Variants in B3GNT3 observed in about 807,000 individuals in gnomAD.
B3GNT3 encodes N-acetyllactosaminide beta-1,3-N-acetylglucosaminyltransferase 3.
Under a neutral mutation model 11.6 loss-of-function variants are expected in B3GNT3, and 7 were observed. The ratio of observed to expected loss-of-function variants is 0.60; its 90% CI spans 0.34 to 1.13. The LOEUF is 1.13. Among genes scored for constraint, B3GNT3 ranks in the 50% most tolerant of loss-of-function variants. The pLI, the probability that B3GNT3 is intolerant of heterozygous loss-of-function variation, is 0.03. For synonymous variants in B3GNT3, 201 were observed against 222.1 expected, an observed-to-expected ratio of 0.90 and a Z score of 0.85; for missense variants, 400 against 507.4, an observed-to-expected ratio of 0.79 and a Z score of 2.03.
At position 17,811,650 on chromosome 19, in the gene B3GNT3, A is replaced by T. The variant is rs2094180881; in HGVS notation, c.647A>T (p.His216Leu). The stretch of plus-strand genomic sequence containing the variant: ...AACGGGGATGATGACGTCTTTGCAC[A>T]CACAGACAACATGGTCTTCTACCTG... The part of the protein sequence containing the change: ...VLNGDDDVFA[H>L]TDNMVFYLQD... Residue 216 changes from histidine to leucine, a missense_variant, in exon 3 of 3, where the codon CAC becomes CTC. Coordinates refer to ENST00000318683, the MANE Select transcript of B3GNT3 (RefSeq NM_014256.4). This position sits in a 1 kb window ranked among gnomAD's most constrained non-coding sequence, Gnocchi z 4.1. The T allele has an allele frequency of 6.2e-7, 1 of 1,614,100 alleles. No homozygotes were observed. Among genetic ancestry groups the T allele is most frequent in the African/African-American group, 1.3e-5 (1 of 74,940 alleles).
rs764740433 is a variant in B3GNT3, at chr19:17,813,409, G to A, written c.*1287G>A. ...GGAGGCTGCAGTGAACCATGATTGC[G>A]CCACTGTACTCCACTGGGCGGCAAT... On this transcript the variant is annotated 3_prime_UTR_variant, in exon 3 of 3. Coordinates refer to ENST00000318683, the MANE Select transcript of B3GNT3 (RefSeq NM_014256.4). 2.6e-5 allele frequency among the ~76,000 whole-genome samples: 4 copies of A among 152,064 alleles called. No homozygotes were observed. The highest frequency in any genetic ancestry group is 4.8e-5 in the African/African-American group (2 of 41,494).
At position 17,812,129 on chromosome 19, in the gene B3GNT3, A is replaced by C. The variant is rs367852643; in HGVS notation, c.*7A>C. 2.5e-5 allele frequency: 39 copies of C among 1,579,934 alleles called. No individual in the cohort carries two copies. Among genetic ancestry groups the C allele is most frequent in the Non-Finnish European group, 3.3e-5 (39 of 1,169,844 alleles). The stretch of plus-strand genomic sequence containing the variant: ...TCAGACACAGATCTACTGAGTCAGC[A>C]TCAGGGTCCCCAGCCTCTGGGCTCC... On this transcript the variant is annotated 3_prime_UTR_variant, in exon 3 of 3. Transcript: ENST00000318683.
chr19:17,794,815 C>G (rs2094157548), upstream of B3GNT3: 1 of 152,468 alleles, frequency 6.6e-6, no homozygotes, highest in South Asian at 2.1e-4. Context: ...GTGCCAGGAA[C>G]CCGCAAGGCG....
At chr19:17,798,765 A>G (rs1431883694) in intron 1 of B3GNT3, among the ~76,000 whole-genome samples, 1 of 151,984 alleles carries the variant, frequency 6.6e-6, no homozygotes, top group African/African-American at 2.4e-5. Context: ...ACTTGAGCCC[A>G]GGAGTTGGAG....
At chr19:17,806,386 A>G (rs754641487) in intron 1 of B3GNT3, among the ~76,000 whole-genome samples, 1 of 152,120 alleles carries the variant, frequency 6.6e-6, no homozygotes, top group Non-Finnish European at 1.5e-5. Flanking sequence ...CTGTATCCCC[A>G]GCATCTAGCA....
intron 1 of B3GNT3, among the ~76,000 whole-genome samples, chr19:17,803,670 A>T (rs1299711822): frequency 6.6e-6 from 1 of 151,940 alleles, no homozygotes; most frequent in Non-Finnish European, 1.5e-5. Context: ...TAGGCGCTGT[A>T]ACATGCAGGG....
chr19:17,801,940 T>A (rs925560502), intron 1 of B3GNT3, among the ~76,000 whole-genome samples: 1 of 151,994 alleles, frequency 6.6e-6, no homozygotes, highest in African/African-American at 2.4e-5. Flanking sequence ...ATACCAAAAG[T>A]AGCCAGGCGT....
In B3GNT3 at chr19:17,813,204, T is replaced by C. The variant is rs770341743; in HGVS notation, c.*1082T>C. 2.0e-5 allele frequency: 3 copies of C among 152,026 alleles called. No homozygotes were observed. Among genetic ancestry groups the C allele is most frequent in the African/African-American group, 7.2e-5 (3 of 41,402 alleles). The allele number at this position is 152,026 out of a possible 1,614,324, so 9.4% of individuals were successfully genotyped here. Reference sequence around the variant, plus strand: ...TAAAAACGGGGCATGGGGCCGTGGCTCAGGGCTGTAATTCTAGCACATTGG... The same window carrying C: ...TAAAAACGGGGCATGGGGCCGTGGCCCAGGGCTGTAATTCTAGCACATTGG... On this transcript the variant is annotated 3_prime_UTR_variant, in exon 3 of 3. Transcript: ENST00000318683.
chr19:17,810,443 T>G (rs2094179176), intron 2 of B3GNT3, among the ~76,000 whole-genome samples: 2 of 151,868 alleles, frequency 1.3e-5, no homozygotes, highest in Admixed American at 1.3e-4. Context: ...TAAAAGTGTG[T>G]GATAAACATC....
At chr19:17,802,482 A>G (rs2094167512) in intron 1 of B3GNT3, among the ~76,000 whole-genome samples, 1 of 152,100 alleles carries the variant, frequency 6.6e-6, no homozygotes, top group Non-Finnish European at 1.5e-5. Context: ...AGAAGCGAAG[A>G]GATTTCCCAT....
rs905912474 is a variant in B3GNT3, at chr19:17,812,042, C to T, written c.1039C>T (p.Leu347=). 1.9e-6 allele frequency: 3 copies of T among 1,599,444 alleles called. No homozygotes were observed. The highest frequency in any genetic ancestry group is 2.5e-6 in the Non-Finnish European group (3 of 1,179,948). ...AGACCTGCTGCTGGTGCACCGCTTC[C>T]TACCTTATGAGATGCTGCTCATGTG... The part of the protein sequence containing the change: ...YRDLLLVHRF[L]PYEMLLMWDA... Residue 347 remains leucine (L), a synonymous_variant, in exon 3 of 3, where the codon CTA becomes TTA. Coordinates refer to ENST00000318683, the MANE Select transcript of B3GNT3 (RefSeq NM_014256.4).
In B3GNT3 at chr19:17,811,709, G is replaced by A. The variant is rs780094147; in HGVS notation, c.706G>A (p.Gly236Arg). ...DHDPGRHLFVGQLIQNVGPIR... is the reference protein window; with the variant it reads ...DHDPGRHLFVRQLIQNVGPIR... ...TGACCCTGGCCGCCACCTCTTCGTG[G>A]GGCAACTGATCCAAAACGTGGGCCC... is the stretch of plus-strand genomic sequence containing the variant. The change falls in exon 3 of 3, where the codon GGG (glycine) becomes AGG (arginine). Residue 236 changes from glycine (G) to arginine (R), a missense_variant. Physicochemically the swap from Gly to Arg is moderately radical, Grantham distance 125. Coordinates refer to ENST00000318683, the MANE Select transcript of B3GNT3 (RefSeq NM_014256.4). This position sits in a 1 kb window ranked among gnomAD's most constrained non-coding sequence, Gnocchi z 4.1. The A allele has an allele frequency of 1.2e-6, 2 of 1,614,232 alleles. No individual in the cohort carries two copies. Among genetic ancestry groups the A allele is most frequent in the Admixed American group, 1.7e-5 (1 of 60,026 alleles).
intron 2 of B3GNT3, among the ~76,000 whole-genome samples, chr19:17,809,246 T>C (rs1291624121): frequency 6.6e-6 from 1 of 152,048 alleles, no homozygotes; most frequent in African/African-American, 2.4e-5. Context: ...GTGCACAGCA[T>C]GTGCTCAGTC....
At chr19:17,798,994 CATT>C (rs951220113) in intron 1 of B3GNT3, among the ~76,000 whole-genome samples, 9 of 152,062 alleles carry the variant, frequency 5.9e-5, no homozygotes, top group Non-Finnish European at 1.0e-4. Context: ...AAAAAAATCT[CATT>C]GTTGGCGCTT....
chr19:17,798,133 C>T (rs1221204045), intron 1 of B3GNT3, among the ~76,000 whole-genome samples: 1 of 152,204 alleles, frequency 6.6e-6, no homozygotes, highest in Admixed American at 6.5e-5. Flanking sequence ...TGCAAGCGTC[C>T]CCAACTTCCA....
chr19:17,807,962 C>CG lies in B3GNT3; in HGVS notation c.155_156insG (p.Pro53ThrfsTer50). The CG allele has an allele frequency of 5.0e-6, 8 of 1,608,598 alleles. No homozygotes were observed. The highest frequency in any genetic ancestry group is 6.8e-6 in the Non-Finnish European group (8 of 1,176,768). ...CCCGAGGCCCTGGCCTGGCCCACTCCACCCACCCGCCCAGCCCCGGCCCCG... is the reference window on the plus strand; with the variant it reads ...CCCGAGGCCCTGGCCTGGCCCACTCCGACCCACCCGCCCAGCCCCGGCCCCG... On this transcript the variant is annotated frameshift_variant, in exon 2 of 3. Coordinates refer to ENST00000318683, the MANE Select transcript of B3GNT3 (RefSeq NM_014256.4). LOFTEE classifies it high-confidence loss of function.
intron 1 of B3GNT3, among the ~76,000 whole-genome samples, chr19:17,803,933 A>G (rs1179774062): frequency 6.6e-6 from 1 of 152,144 alleles, no homozygotes; most frequent in Non-Finnish European, 1.5e-5. Context: ...AAGCCAAGGC[A>G]AGAGGATTGC....
chr19:17,806,029 G>A (rs1271309819), intron 1 of B3GNT3, among the ~76,000 whole-genome samples: 1 of 152,104 alleles, frequency 6.6e-6, no homozygotes, highest in African/African-American at 2.4e-5. Context: ...GTGCAATGGT[G>A]TGATCATAGC....
At chr19:17,802,805 G>A (rs1488956278) in intron 1 of B3GNT3, among the ~76,000 whole-genome samples, 6 of 152,046 alleles carry the variant, frequency 3.9e-5, no homozygotes, top group Non-Finnish European at 8.8e-5. Context: ...AGCCTCCCGA[G>A]TAGCTGGGAC....
Sources: allele counts gnomAD v4.1 joint callset (sites outside exome capture counted in the v4.1 genomes callset), GRCh38; gene constraint gnomAD v4.1.1; non-coding constraint Gnocchi (gnomAD v3.1); transcripts MANE v1.5; gene names NCBI Gene and HGNC (gene_info 2026-07-23, HGNC 2026-07-21).